PCNX2: variants seen among roughly 807,000 people sequenced by gnomAD.
The protein encoded by PCNX2 is pecanex 2.
A neutral mutation model predicts 223.8 loss-of-function variants in PCNX2; 168 were observed. The observed-to-expected ratio is 0.75, with a 90% confidence interval of 0.66 to 0.85. The LOEUF (loss-of-function observed/expected upper bound fraction) is 0.85. PCNX2 is among the 40% of genes least tolerant of loss of function. The probability of loss-of-function intolerance (pLI) is 0.00; values close to 1 mark genes in which losing one functional copy is unlikely to be tolerated. For missense variants in PCNX2, 2,507 were observed against 2,675.5 expected, an observed-to-expected ratio of 0.94 and a Z score of 1.39; for synonymous variants, 1,006 against 1,052.6, an observed-to-expected ratio of 0.96 and a Z score of 0.86.
rs370690702 is a variant in PCNX2, at chr1:233,147,311, T to C, written c.3518-7456A>G. On this transcript the variant is annotated intron_variant, in intron 19 of 33. Coordinates refer to ENST00000258229, the MANE Select transcript of PCNX2 (RefSeq NM_014801.4). ...CATATTTTATCTGTTATATGTATTA[T>C]ATACTGTATTCTTATAATAAAGCAT... Among the ~76,000 whole-genome samples, 30 of 152,348 alleles carry C rather than the reference T, an allele frequency of 2.0e-4. No individual in the cohort carries two copies. In the East Asian group the frequency reaches 2.9e-3, roughly 15 times the overall value.
intron 21 of PCNX2, among the ~76,000 whole-genome samples, chr1:233,123,449 G>T (rs1470029833): frequency 1.3e-5 from 2 of 152,136 alleles, no homozygotes; most frequent in Non-Finnish European, 2.9e-5. Flanking sequence ...AGGCATGGTG[G>T]TGGGTGCCTG....
chr1:232,984,280 C>A lies in PCNX2; in HGVS notation c.*24G>T, dbSNP rs1231359282. ...CAGGTGGGAGGTGTGGGGGAGCCAG[C>A]CTCCCCGCCCGGCCGCACGCCCGTC... On this transcript the variant is annotated 3_prime_UTR_variant, in exon 34 of 34. Coordinates refer to ENST00000258229, the MANE Select transcript of PCNX2 (RefSeq NM_014801.4). The A allele has an allele frequency of 1.3e-6, 2 of 1,559,286 alleles. No individual in the cohort carries two copies. The highest frequency in any genetic ancestry group is 1.7e-6 in the Non-Finnish European group (2 of 1,152,608).
At chr1:233,228,499 C>T (rs1468283691) in intron 9 of PCNX2, among the ~76,000 whole-genome samples, 4 of 152,026 alleles carry the variant, frequency 2.6e-5, no homozygotes, top group Non-Finnish European at 5.9e-5. Flanking sequence ...CCCCATTTAC[C>T]CTCCCCCCAG....
At chr1:233,016,350 A>C (rs1369184397) in intron 27 of PCNX2, among the ~76,000 whole-genome samples, 1 of 151,996 alleles carries the variant, frequency 6.6e-6, no homozygotes, top group Non-Finnish European at 1.5e-5. Flanking sequence ...TGCTCCCTTC[A>C]TTTGCTCCCT....
At chr1:233,023,748 A>G (rs1670985131) in intron 26 of PCNX2, among the ~76,000 whole-genome samples, 2 of 152,250 alleles carry the variant, frequency 1.3e-5, no homozygotes, top group Non-Finnish European at 2.9e-5. Flanking sequence ...AATGTTTTGC[A>G]TCTCCAGCAC....
chr1:233,117,651 A>G (rs1404365830), intron 21 of PCNX2, among the ~76,000 whole-genome samples: 1 of 151,468 alleles, frequency 6.6e-6, no homozygotes, highest in African/African-American at 2.4e-5. Context: ...ATATAGGTCA[A>G]TATCTCTCAT....
At chr1:232,986,039 G>A in intron 33 of PCNX2, 53 bp downstream of exon 33, 2 of 1,540,356 alleles carry the variant, frequency 1.3e-6, no homozygotes, top group Non-Finnish European at 1.8e-6. Context: ...CTCAGGCCAG[G>A]AGCCCGTGCC....
chr1:233,084,838 G>A (rs546734086), intron 23 of PCNX2, among the ~76,000 whole-genome samples: 3 of 152,238 alleles, frequency 2.0e-5, no homozygotes, highest in South Asian at 4.1e-4. Context: ...TAAACACAAA[G>A]CACTATTATA....
chr1:233,083,529 G>A (rs552822234), intron 23 of PCNX2, among the ~76,000 whole-genome samples: 2 of 152,320 alleles, frequency 1.3e-5, no homozygotes, highest in South Asian at 2.1e-4. Flanking sequence ...AGGGGCTACC[G>A]TAATTCCTAA....
chr1:233,285,880 G>A (rs1661421584), intron 1 of PCNX2, among the ~76,000 whole-genome samples: 1 of 152,214 alleles, frequency 6.6e-6, no homozygotes, highest in African/African-American at 2.4e-5. Flanking sequence ...GGAATACCAT[G>A]CAGACATGAA....
intron 25 of PCNX2, among the ~76,000 whole-genome samples, chr1:233,048,505 G>GTC (rs774589417): frequency 8.5e-5 from 13 of 152,156 alleles, no homozygotes; most frequent in Non-Finnish European, 1.5e-4. Context: ...CTGGGATGTG[G>GTC]TAAAAGAAGT....
intron 25 of PCNX2, among the ~76,000 whole-genome samples, chr1:233,032,691 A>C (rs1388690465): frequency 6.6e-6 from 1 of 151,968 alleles, no homozygotes; most frequent in Admixed American, 6.6e-5. Flanking sequence ...ATGTGAGAAG[A>C]TGGCGAATTT....
chr1:233,131,274 A>G (rs1676488862), intron 21 of PCNX2, among the ~76,000 whole-genome samples: 2 of 152,208 alleles, frequency 1.3e-5, no homozygotes, highest in African/African-American at 2.4e-5. Flanking sequence ...TGGACAAGTA[A>G]CATTTCACAT....
chr1:233,289,533 C>A (rs577881728), intron 1 of PCNX2: 2 of 659,600 alleles, frequency 3.0e-6, no homozygotes, highest in Non-Finnish European at 5.4e-6. Flanking sequence ...GCAGGCTCTT[C>A]GCCTGAAATA....
chr1:233,102,078 T>C (rs1674512565), intron 21 of PCNX2, among the ~76,000 whole-genome samples: 1 of 149,172 alleles, frequency 6.7e-6, no homozygotes, highest in Non-Finnish European at 1.5e-5. Flanking sequence ...ATGCATGAGA[T>C]TCATTTTTCT....
the PCNX2 span, among the ~76,000 whole-genome samples, chr1:233,322,405 C>G: frequency 6.6e-6 from 1 of 152,106 alleles, no homozygotes; most frequent in African/African-American, 2.4e-5. Flanking sequence ...ACCGAAGCAA[C>G]AAATGATACA....
intron 23 of PCNX2, among the ~76,000 whole-genome samples, chr1:233,088,672 C>G (rs1180682179): frequency 6.6e-6 from 1 of 152,160 alleles, no homozygotes; most frequent in African/African-American, 2.4e-5. Flanking sequence ...CAACTCCTCA[C>G]GGGCCCGAAG....
chr1:233,307,336 C>G, the PCNX2 span, among the ~76,000 whole-genome samples: 4 of 152,164 alleles, frequency 2.6e-5, no homozygotes, highest in Admixed American at 6.5e-5. Context: ...TGAGTTCTCA[C>G]TCTTAGTTCC....
In PCNX2 at chr1:233,001,444, A is replaced by T; in HGVS notation, c.5097+93T>A. ...TGGTGAGCCGAGATTGTGCCATTGC[A>T]CCCCAGCCTGGGCAACAAGAGCGAA... is the stretch of plus-strand genomic sequence containing the variant. On this transcript the variant is annotated intron_variant, in intron 29 of 33. Coordinates refer to ENST00000258229, the MANE Select transcript of PCNX2 (RefSeq NM_014801.4). The surrounding 1 kb of genome is among the most constrained non-coding windows in gnomAD (Gnocchi z 4.2). The T allele has an allele frequency of 1.2e-6, 1 of 856,736 alleles. No homozygotes were observed. Among genetic ancestry groups the T allele is most frequent in the Non-Finnish European group, 1.5e-6 (1 of 679,320 alleles). The allele number at this position is 856,736 out of a possible 1,614,324, so 53.1% of individuals were successfully genotyped here.
Sources: allele counts gnomAD v4.1 joint callset (sites outside exome capture counted in the v4.1 genomes callset), GRCh38; gene constraint gnomAD v4.1.1; non-coding constraint Gnocchi (gnomAD v3.1); transcripts MANE v1.5; gene names NCBI Gene and HGNC (gene_info 2026-07-23, HGNC 2026-07-21).